LILRA2: variants seen among roughly 807,000 people sequenced by gnomAD.
LILRA2 encodes leukocyte immunoglobulin-like receptor subfamily A member 2.
Under a neutral mutation model 47.9 loss-of-function variants are expected in LILRA2, and 45 were observed. The observed-to-expected ratio is 0.94, with a 90% CI of 0.74 to 1.20. The LOEUF is 1.20. Among genes scored for constraint, LILRA2 ranks in the 50% most tolerant of loss-of-function variants. LILRA2 has a pLI of 0.00. For synonymous variants in LILRA2, 279 were observed against 249.2 expected (o/e 1.12, Z -1.13); for missense variants, 651 against 598.2 (o/e 1.09, Z -0.92).
At chr19:54,583,376 T>G (rs1334988238) in intron 6 of LILRA2, among the ~76,000 whole-genome samples, 1 of 152,196 alleles carries the variant, frequency 6.6e-6, no homozygotes, top group Non-Finnish European at 1.5e-5. Context: ...AGAGGGGTGT[T>G]AAAGTCTCCT....
chr19:54,576,007 G>A lies in LILRA2; in HGVS notation c.1153G>A (p.Val385Met), dbSNP rs897876501. 2 of 1,613,952 alleles carry A rather than the reference G, an allele frequency of 1.2e-6. No individual in the cohort carries two copies. Among genetic ancestry groups the A allele is most frequent in the Admixed American group, 3.3e-5 (2 of 59,998 alleles). The change falls in exon 6 of 8, where the codon GTG (valine) becomes ATG (methionine). Residue 385 changes from valine to methionine, a missense_variant. Physicochemically the swap from Val to Met is conservative, Grantham distance 21 (BLOSUM62 1). Transcript: ENST00000391738. ...CCAGGCTGAATTCCGCATGGGTCCT[G>A]TGACCTCAGCCCACGTGGGGACCTA... ...QNQAEFRMGPVTSAHVGTYRC... is the reference protein window; with the variant it reads ...QNQAEFRMGPMTSAHVGTYRC...
intron 6 of LILRA2, among the ~76,000 whole-genome samples, chr19:54,582,653 G>T (rs1397318325): frequency 6.6e-6 from 1 of 152,018 alleles, no homozygotes; most frequent in Non-Finnish European, 1.5e-5. Context: ...GCATCTATTT[G>T]ATTCTTCTCT....
chr19:54,573,807 C>T lies in LILRA2; in HGVS notation c.-72C>T, dbSNP rs2062231104. ...GATCCAGCCTCCGAGTGTCCACACC[C>T]TGTGCGTCTCTCTGTCCTGCCAGCA... On this transcript the variant is annotated 5_prime_UTR_variant, in exon 1 of 8. Transcript: ENST00000391738. 1 of 1,612,530 alleles carries T rather than the reference C, an allele frequency of 6.2e-7. No homozygotes were observed. Among genetic ancestry groups the T allele is most frequent in the Non-Finnish European group, 8.5e-7 (1 of 1,179,336 alleles).
At chr19:54,574,685 TG>T in intron 3 of LILRA2, 45 bp from the exon 4 acceptor site, 1 of 1,163,640 alleles carries the variant, frequency 8.6e-7, no homozygotes, top group Non-Finnish European at 1.1e-6. Context: ...GGGGATGATG[TG>T]GGAGGTGGGA....
Position 54,576,018 on chromosome 19 carries a change from C to G in LILRA2, c.1164C>G (p.Ala388=). ...TCCGCATGGGTCCTGTGACCTCAGC[C>G]CACGTGGGGACCTACAGATGCTACA... The part of the protein sequence containing the change: ...AEFRMGPVTS[A]HVGTYRCYSS... The change falls in exon 6 of 8, where the codon GCC becomes GCG. Residue 388 remains alanine (A), a synonymous_variant. Coordinates refer to ENST00000391738, the MANE Select transcript of LILRA2 (RefSeq NM_001130917.3). 1.2e-6 allele frequency: 2 copies of G among 1,613,990 alleles called. No individual in the cohort carries two copies. Among genetic ancestry groups the G allele is most frequent in the Non-Finnish European group, 1.7e-6 (2 of 1,179,952 alleles).
chr19:54,573,679 G>A (rs967321125), upstream of LILRA2: 11 of 1,234,314 alleles, frequency 8.9e-6, no homozygotes, highest in African/African-American at 1.6e-4. Context: ...AGAGGGCCTG[G>A]TGCCTGCCCC....
rs766308509 is a variant in LILRA2 at position 54,574,572 on chromosome 19, G to A, written c.342G>A (p.Leu114=). Residue 114 remains leucine, a synonymous_variant, in exon 3 of 8, where the codon CTG becomes CTA. Transcript: ENST00000391738. ...HSSEYSDPLE[L]VVTGAYSKPT... is the part of the protein sequence containing the mutation. ...CAGAGTACAGTGACCCCCTGGAGCT[G>A]GTGGTGACAGGTGAGAGGACACTCA... 3 of 1,613,868 alleles carry A rather than the reference G, an allele frequency of 1.9e-6. No homozygotes were observed. The African/African-American group carries it at 4.0e-5, about 22-fold the overall frequency.
chr19:54,573,281 A>G (rs748760464), upstream of LILRA2: 1 of 509,656 alleles, frequency 2.0e-6, no homozygotes, highest in Admixed American at 2.5e-5. Context: ...ACCATGGTAG[A>G]CCCTGCATTA....
In LILRA2 at chr19:54,575,503, C is replaced by T. The variant is rs779963649; in HGVS notation, c.903C>T (p.Leu301=). 1 of 1,612,866 alleles carries T rather than the reference C, an allele frequency of 6.2e-7. No homozygotes were observed. Among genetic ancestry groups the T allele is most frequent in the South Asian group, 1.1e-5 (1 of 91,016 alleles). ...ACAGATGCTACAGTGCACACAACCT[C>T]TCCTCCGAGTGGTCGGCCCCCAGTG... is the stretch of plus-strand genomic sequence containing the variant. ...GQYRCYSAHN[L]SSEWSAPSDP... is the part of the protein sequence containing the mutation. Residue 301 remains leucine (L), a synonymous_variant, in exon 5 of 8, where the codon CTC becomes CTT. Coordinates refer to ENST00000391738, the MANE Select transcript of LILRA2 (RefSeq NM_001130917.3).
intron 6 of LILRA2, among the ~76,000 whole-genome samples, chr19:54,581,665 A>T (rs2062637171): frequency 6.6e-6 from 1 of 151,686 alleles, no homozygotes. Context: ...GAAATAAAAG[A>T]GGACACAAAC....
At chr19:54,585,729 C>T (rs774499075) in intron 6 of LILRA2, among the ~76,000 whole-genome samples, 30 of 152,158 alleles carry the variant, frequency 2.0e-4, no homozygotes, top group Admixed American at 3.3e-4. Context: ...AAGGGAAATC[C>T]TCCGACCCCT....
intron 6 of LILRA2, among the ~76,000 whole-genome samples, chr19:54,585,927 G>A (rs953857458): frequency 2.0e-5 from 3 of 152,056 alleles, no homozygotes; most frequent in African/African-American, 7.2e-5. Flanking sequence ...TTTTAAAGAA[G>A]GATAGGTATC....
intron 6 of LILRA2, among the ~76,000 whole-genome samples, chr19:54,584,622 T>C (rs2146017493): frequency 6.6e-6 from 1 of 152,370 alleles, no homozygotes; most frequent in Middle Eastern, 3.4e-3. Flanking sequence ...TTCAGCTGCA[T>C]CAGGTCATTT....
chr19:54,580,213 T>A lies in LILRA2; in HGVS notation c.1255+4104T>A, dbSNP rs868520897. On this transcript the variant is annotated intron_variant, in intron 6 of 7. Transcript: ENST00000391738. Reference sequence around the variant, plus strand: ...TTTTCTTTTCTTTTTTTTTTTTTTTTATTATACTCTAAGTTTTAGGGTACA... The same window carrying A: ...TTTTCTTTTCTTTTTTTTTTTTTTTAATTATACTCTAAGTTTTAGGGTACA... Among the ~76,000 whole-genome samples the A allele has an allele frequency of 9.9e-3, 1,411 of 142,670 alleles. 44 individuals are homozygous for A. Among genetic ancestry groups the A allele is most frequent in the African/African-American group, 0.037 (1,318 of 35,788 alleles). The allele number at this position is 142,670 out of a possible 152,430, so 93.6% of individuals were successfully genotyped here.
Position 54,587,455 on chromosome 19 carries a change from A to C in LILRA2, c.*109A>C, listed in dbSNP as rs56789693. The C allele has an allele frequency of 7.9e-3, 11,736 of 1,494,042 alleles. 119 individuals carry two copies. Among genetic ancestry groups the C allele is most frequent in the South Asian group, 0.067 (5,186 of 77,196 alleles). The allele number at this position is 1,494,042 out of a possible 1,614,324, so 92.5% of individuals were successfully genotyped here. ...CTAGGACCTACATTATCTGGACTGT[A>C]TGCTGGTCATTTCTAGAGACAGCAA... On this transcript the variant is annotated 3_prime_UTR_variant, in exon 8 of 8. Coordinates refer to ENST00000391738, the MANE Select transcript of LILRA2 (RefSeq NM_001130917.3).
At chr19:54,573,475 G>A (rs376679921), upstream of LILRA2, 34 of 1,083,758 alleles carry the variant, frequency 3.1e-5, no homozygotes, top group East Asian at 4.6e-4. Context: ...ACGGGCTGAA[G>A]GAGGGAGGGA....
chr19:54,573,532 C>T, upstream of LILRA2: 1 of 851,752 alleles, frequency 1.2e-6, no homozygotes, highest in East Asian at 2.6e-5. Context: ...CTCTGCTCAC[C>T]CTCATCTGGA....
At chr19:54,575,213 G>A (rs761536776) in intron 4 of LILRA2, 43 bp from the exon 5 acceptor site, 4 of 1,572,114 alleles carry the variant, frequency 2.5e-6, no homozygotes, top group South Asian at 1.2e-5. Context: ...TTGTGGGGAA[G>A]CCTGAGGGTC....
intron 6 of LILRA2, among the ~76,000 whole-genome samples, chr19:54,576,573 G>A (rs1407004551): frequency 8.1e-5 from 12 of 148,002 alleles, no homozygotes; most frequent in African/African-American, 3.2e-4. Flanking sequence ...GGGGAGGGTG[G>A]ACAGTAAGGG....
Sources: gnomAD v4.1 joint callset for allele counts (sites outside exome capture counted in the v4.1 genomes callset) on GRCh38, gnomAD v4.1.1 for gene constraint, MANE v1.5 for transcripts, NCBI Gene and HGNC (gene_info 2026-07-23, HGNC 2026-07-21) for gene names.